NRG3: variants seen among roughly 807,000 people sequenced by gnomAD.
NRG3 encodes pro-neuregulin-3, membrane-bound isoform.
In NRG3, 31 loss-of-function variants were observed where a neutral mutation model predicts 66.9. The ratio of observed to expected loss-of-function variants is 0.46; its 90% CI spans 0.35 to 0.63. The LOEUF (loss-of-function observed/expected upper bound fraction) is 0.63. Among genes scored for constraint, NRG3 ranks in the 20% least tolerant of loss-of-function variants. The pLI, the probability that NRG3 is intolerant of heterozygous loss-of-function variation, is 0.00. For synonymous variants in NRG3, 393 were observed against 359.4 expected (o/e 1.09, Z -1.06); for missense variants, 910 against 878.9 (o/e 1.04, Z -0.45).
chr10:82,050,279 A>T (rs537897721), intron 1 of NRG3, among the ~76,000 whole-genome samples: 1 of 152,160 alleles, frequency 6.6e-6, no homozygotes, highest in African/African-American at 2.4e-5. Flanking sequence ...TTGGTGCAAA[A>T]GTAATTGAGG....
chr10:82,968,661 C>A (rs908173869), intron 6 of NRG3, among the ~76,000 whole-genome samples: 1 of 146,804 alleles, frequency 6.8e-6, no homozygotes, highest in Non-Finnish European at 1.5e-5. Context: ...GGAAGGGAGG[C>A]AGGGAGGGAG....
At chr10:82,843,397 C>G (rs1199981278) in intron 3 of NRG3, 1 of 265,878 alleles carries the variant, frequency 3.8e-6, no homozygotes, top group African/African-American at 2.2e-5. Context: ...CAGATATTGG[C>G]CAGCCCCCAA....
At chr10:82,447,587 C>T (rs191715551) in intron 2 of NRG3, among the ~76,000 whole-genome samples, 4 of 152,214 alleles carry the variant, frequency 2.6e-5, no homozygotes, top group Non-Finnish European at 5.9e-5. Flanking sequence ...ACTCCTTCCA[C>T]CCCCAGATGC....
At chr10:82,459,179 C>T (rs893672787) in intron 2 of NRG3, among the ~76,000 whole-genome samples, 1 of 152,182 alleles carries the variant, frequency 6.6e-6, no homozygotes, top group African/African-American at 2.4e-5. Flanking sequence ...CTGCATACTA[C>T]CGTGAGCCAC....
At chr10:81,999,546 A>T (rs1420872947) in intron 1 of NRG3, among the ~76,000 whole-genome samples, 1 of 152,168 alleles carries the variant, frequency 6.6e-6, no homozygotes, top group Non-Finnish European at 1.5e-5. Flanking sequence ...ATTTTGTAAA[A>T]AATGTTCAAG....
At chr10:81,923,770 A>C (rs1050262376) in intron 1 of NRG3, among the ~76,000 whole-genome samples, 8 of 151,984 alleles carry the variant, frequency 5.3e-5, no homozygotes, top group African/African-American at 1.5e-4. Context: ...GAACCACATA[A>C]TGTTTTGTTC....
chr10:82,535,842 CTT>C (rs771613933), intron 2 of NRG3, among the ~76,000 whole-genome samples: 7 of 151,558 alleles, frequency 4.6e-5, no homozygotes, highest in Non-Finnish European at 5.9e-5. Context: ...CTCTGCGTCT[CTT>C]TGCCTAAATT....
chr10:82,408,085 CAGAA>C (rs71009807), intron 2 of NRG3, among the ~76,000 whole-genome samples: 9,693 of 74,526 alleles, frequency 0.13, 697 homozygotes, highest in Non-Finnish European at 0.15. Flanking sequence ...GAGAGAGAGA[CAGAA>C]AGAAAGAAAG....
chr10:82,095,788 A>C (rs2132041784), intron 1 of NRG3, among the ~76,000 whole-genome samples: 1 of 152,350 alleles, frequency 6.6e-6, no homozygotes, highest in South Asian at 2.1e-4. Flanking sequence ...AATACTAAGC[A>C]GAGTGAATCC....
intron 1 of NRG3, among the ~76,000 whole-genome samples, chr10:81,983,023 C>T (rs543697198): frequency 3.0e-4 from 45 of 152,170 alleles, no homozygotes; most frequent in African/African-American, 5.8e-4. Flanking sequence ...CCCTGAGTCT[C>T]GGGCAGTGAG....
At position 82,985,352 on chromosome 10, in the gene NRG3, G is replaced by A; in HGVS notation, c.1838G>A (p.Ser613Asn). Residue 613 changes from serine to asparagine, a missense_variant, in exon 9 of 9, where the codon AGT (serine) becomes AAT (asparagine). Physicochemically the swap from Ser to Asn is conservative, Grantham distance 46. Coordinates refer to ENST00000372141, the MANE Select transcript of NRG3 (RefSeq NM_001010848.4). ...NSYSADVVNV[S>N]IPVSDCLIAE... ...TATTCAGCTGACGTTGTCAATGTGA[G>A]TATTCCAGTCAGCGATTGTCTTATA... The A allele has an allele frequency of 6.2e-7, 1 of 1,614,154 alleles. No homozygotes were observed. The highest frequency in any genetic ancestry group is 8.5e-7 in the Non-Finnish European group (1 of 1,180,020).
At chr10:82,076,135 G>A (rs1430941144) in intron 1 of NRG3, among the ~76,000 whole-genome samples, 2 of 152,086 alleles carry the variant, frequency 1.3e-5, no homozygotes, top group Admixed American at 6.5e-5. Context: ...TCTAGTTAGG[G>A]CAGCAATACA....
At chr10:82,300,447 A>G (rs1003260542) in intron 1 of NRG3, among the ~76,000 whole-genome samples, 2 of 152,198 alleles carry the variant, frequency 1.3e-5, no homozygotes, top group African/African-American at 4.8e-5. Flanking sequence ...TTTACCATGA[A>G]GTGAATACAG....
intron 1 of NRG3, among the ~76,000 whole-genome samples, chr10:82,067,931 A>G (rs1397489321): frequency 1.3e-5 from 2 of 152,170 alleles, no homozygotes; most frequent in Non-Finnish European, 2.9e-5. Flanking sequence ...TATAATTTTT[A>G]TTTTTGTAAC....
chr10:82,392,630 CA>C (rs972568865), intron 2 of NRG3, among the ~76,000 whole-genome samples: 3 of 152,068 alleles, frequency 2.0e-5, no homozygotes, highest in African/African-American at 7.2e-5. Context: ...TTATTTAGGA[CA>C]ATAGCCCATT....
chr10:81,923,933 G>GT (rs1318717989), intron 1 of NRG3, among the ~76,000 whole-genome samples: 3 of 152,270 alleles, frequency 2.0e-5, no homozygotes, highest in Admixed American at 2.0e-4. Flanking sequence ...AACAGGCTGC[G>GT]TATGTGCCTT....
At chr10:82,892,647 T>C (rs941778838) in intron 4 of NRG3, among the ~76,000 whole-genome samples, 1 of 151,444 alleles carries the variant, frequency 6.6e-6, no homozygotes, top group African/African-American at 2.4e-5. Flanking sequence ...GCTTGGATGA[T>C]AGAGTGATAA....
chr10:82,508,742 A>G (rs1001605458), intron 2 of NRG3, among the ~76,000 whole-genome samples: 1 of 152,136 alleles, frequency 6.6e-6, no homozygotes, highest in African/African-American at 2.4e-5. Context: ...ACCAAGTGGG[A>G]TGCTGGAACG....
At chr10:82,934,123 T>C (rs1201826071) in intron 4 of NRG3, among the ~76,000 whole-genome samples, 1 of 152,290 alleles carries the variant, frequency 6.6e-6, no homozygotes, top group East Asian at 1.9e-4. Context: ...AAATACAAAA[T>C]AAAAGATAGA....
Sources: gnomAD v4.1 joint callset for allele counts (sites outside exome capture counted in the v4.1 genomes callset) on GRCh38, gnomAD v4.1.1 for gene constraint, MANE v1.5 for transcripts, NCBI Gene and HGNC (gene_info 2026-07-23, HGNC 2026-07-21) for gene names.